Variants in LARS1 observed in about 807,000 individuals in gnomAD.
LARS1 encodes leucine--tRNA ligase, cytoplasmic.
LARS1 carries 100 observed loss-of-function variants against 162.8 expected under a neutral mutation model. The observed-to-expected ratio is 0.61, with a 90% CI of 0.52 to 0.73. LARS1 has a LOEUF of 0.73. Ranked by LOEUF, LARS1 falls within the 30% of genes least tolerant of loss-of-function variation. LARS1 has a pLI of 0.00. For missense variants in LARS1, 1,258 were observed against 1,408.9 expected, an observed-to-expected ratio of 0.89 and a Z score of 1.71; for synonymous variants, 457 against 462.8, an observed-to-expected ratio of 0.99 and a Z score of 0.16.
chr5:146,147,939 G>A (rs562190990), intron 15 of LARS1, among the ~76,000 whole-genome samples: 2 of 152,254 alleles, frequency 1.3e-5, no homozygotes, highest in African/African-American at 4.8e-5. Context: ...AAACAAGTTA[G>A]TTACAAAAAC....
chr5:146,122,482 T>A lies in LARS1; in HGVS notation c.3192+10A>T. ...AAATGCAATGATTCAGTGAGATTCCTTCAACTTACTTCTATTCTAAAAACA... is the reference window on the plus strand; with the variant it reads ...AAATGCAATGATTCAGTGAGATTCCATCAACTTACTTCTATTCTAAAAACA... On this transcript the variant is annotated intron_variant, in intron 30 of 31. Coordinates refer to ENST00000394434, the MANE Select transcript of LARS1 (RefSeq NM_020117.11). The A allele has an allele frequency of 1.4e-6, 2 of 1,470,792 alleles. No individual in the cohort carries two copies. Among genetic ancestry groups the A allele is most frequent in the Middle Eastern group, 1.7e-4 (1 of 5,774 alleles). 91.1% of individuals were successfully genotyped at this position (1,470,792 alleles called of 1,614,324 possible). A position where few individuals can be genotyped will look rare whatever the true frequency, so the allele number is the denominator to read the frequency against.
chr5:146,161,288 G>A (rs1394373289), intron 6 of LARS1, among the ~76,000 whole-genome samples: 1 of 152,156 alleles, frequency 6.6e-6, no homozygotes, highest in Non-Finnish European at 1.5e-5. Flanking sequence ...TGAGAGAAGT[G>A]GCTACTGAAG....
In LARS1 at chr5:146,149,716, G is replaced by C. The variant is rs1753187318; in HGVS notation, c.1426-17C>G. The C allele has an allele frequency of 6.4e-7, 1 of 1,571,478 alleles. No homozygotes were observed. The highest frequency in any genetic ancestry group is 8.8e-7 in the Non-Finnish European group (1 of 1,142,370). ...CAACATGATCTAAAAGGATGAGAGG[G>C]GAGAAAAACCACATATAAAACAGTT... On this transcript the variant is annotated splice_polypyrimidine_tract_variant and intron_variant, in intron 14 of 31. Transcript: ENST00000394434.
intron 21 of LARS1, 107 bp from the exon 22 acceptor site, chr5:146,135,771 G>T: frequency 1.4e-6 from 1 of 718,336 alleles, no homozygotes; most frequent in Non-Finnish European, 2.2e-6. Flanking sequence ...AAACAAAAAA[G>T]AATTCAAAAT....
Position 146,129,088 on chromosome 5 carries a change from C to G in LARS1, c.2659G>C (p.Val887Leu), listed in dbSNP as rs544832993. The G allele has an allele frequency of 6.2e-7, 1 of 1,603,750 alleles. No homozygotes were observed. The highest frequency in any genetic ancestry group is 1.7e-5 in the Admixed American group (1 of 57,688). ...AAAACTTCATTAACAGGACCTGCCA[C>G]AGGCCATGAAGCATTCATAATTGAG... ...PDSIMNASWP[V>L]AGPVNEVLIH... is the part of the protein sequence containing the mutation. The change falls in exon 26 of 32, where the codon GTG becomes CTG. Residue 887 changes from valine to leucine, a missense_variant. Physicochemically the swap from Val to Leu is conservative, Grantham distance 32 (BLOSUM62 1). Coordinates refer to ENST00000394434, the MANE Select transcript of LARS1 (RefSeq NM_020117.11).
rs761730722 is a variant in LARS1, at chr5:146,128,823, T to A, written c.2770-41A>T. 26 of 1,545,746 alleles carry A rather than the reference T, an allele frequency of 1.7e-5. 1 individual carries two copies. In the South Asian group the frequency reaches 3.1e-4, roughly 18 times the overall value. ...AAGGAAAAACATTCAATAGCTTTTA[T>A]ATAAACCAAAAATGAGAAGAACCCT... On this transcript the variant is annotated intron_variant, in intron 26 of 31. Coordinates refer to ENST00000394434, the MANE Select transcript of LARS1 (RefSeq NM_020117.11).
chr5:146,166,491 C>G (rs1164894563), intron 5 of LARS1, among the ~76,000 whole-genome samples: 2 of 152,124 alleles, frequency 1.3e-5, no homozygotes, highest in African/African-American at 4.8e-5. Flanking sequence ...GAGAAGACAG[C>G]TTGAGCCCCA....
intron 13 of LARS1, 55 bp downstream of exon 13, chr5:146,153,119 C>A (rs560124164): frequency 1.7e-5 from 23 of 1,367,894 alleles, no homozygotes; most frequent in Admixed American, 9.3e-5. Context: ...GTTAGCTCTT[C>A]TTTTTCTCTG....
At chr5:146,172,272 CTTT>C (rs1165188806) in intron 3 of LARS1, among the ~76,000 whole-genome samples, 1 of 152,182 alleles carries the variant, frequency 6.6e-6, no homozygotes, top group Non-Finnish European at 1.5e-5. Flanking sequence ...AATCCCAGCA[CTTT>C]CAGAGGCCGA....
At chr5:146,117,703 G>C (rs1159196300) in intron 31 of LARS1, among the ~76,000 whole-genome samples, 1 of 152,112 alleles carries the variant, frequency 6.6e-6, no homozygotes, top group African/African-American at 2.4e-5. Flanking sequence ...GCTTCTTGTG[G>C]CCTATAAGTT....
At chr5:146,116,311 T>C (rs1286330673) in intron 31 of LARS1, among the ~76,000 whole-genome samples, 1 of 152,202 alleles carries the variant, frequency 6.6e-6, no homozygotes, top group Non-Finnish European at 1.5e-5. Flanking sequence ...GCCAGCAGAT[T>C]TTATGCATAA....
chr5:146,171,122 C>T (rs1487420787), intron 4 of LARS1, among the ~76,000 whole-genome samples: 4 of 151,822 alleles, frequency 2.6e-5, no homozygotes, highest in Non-Finnish European at 4.4e-5. Context: ...TTTGGAAGGC[C>T]GAGGTGGGTG....
intron 21 of LARS1, chr5:146,137,915 G>C: frequency 5.8e-6 from 1 of 171,208 alleles, no homozygotes; most frequent in Non-Finnish European, 1.3e-5. Context: ...CATGAGGTCA[G>C]TTTGAGACCA....
Position 146,165,202 on chromosome 5 carries a change from CAA to C in LARS1, c.433-733_433-732del, listed in dbSNP as rs1753949512. Among the ~76,000 whole-genome samples the C allele has an allele frequency of 3.3e-5, 5 of 151,998 alleles. No homozygotes were observed. In the South Asian group the frequency reaches 1.0e-3, roughly 31 times the overall value. Reference sequence around the variant, plus strand: ...TACGAAAATTAGCCGGGCATGGTGGCAAGCGCCCGTAATCCCAGCTACCCTGG... The same window carrying C: ...TACGAAAATTAGCCGGGCATGGTGGCGCGCCCGTAATCCCAGCTACCCTGG... On this transcript the variant is annotated intron_variant, in intron 5 of 31. Coordinates refer to ENST00000394434, the MANE Select transcript of LARS1 (RefSeq NM_020117.11).
chr5:146,159,091 G>C (rs1372553390), intron 8 of LARS1, among the ~76,000 whole-genome samples: 1 of 149,468 alleles, frequency 6.7e-6, no homozygotes, highest in South Asian at 2.1e-4. Flanking sequence ...GCAAGACTCC[G>C]TCTGAAAAAA....
chr5:146,146,532 C>CAAAAAAAAAAA (rs573828595), intron 15 of LARS1, among the ~76,000 whole-genome samples: 1 of 26,502 alleles, frequency 3.8e-5, no homozygotes, highest in Non-Finnish European at 6.1e-5. Flanking sequence ...ATGCCAGAAC[C>CAAAAAAAAAAA]AAAAAAAAAA....
At chr5:146,125,632 G>A (rs187908912) in intron 28 of LARS1, among the ~76,000 whole-genome samples, 5 of 152,030 alleles carry the variant, frequency 3.3e-5, no homozygotes, top group Non-Finnish European at 7.4e-5. Context: ...CTGTAGCCCA[G>A]AAAATTTAAG....
Position 146,113,552 on chromosome 5 carries a change from A to T in LARS1, c.*554T>A, listed in dbSNP as rs1764068906. On this transcript the variant is annotated 3_prime_UTR_variant, in exon 32 of 32. Transcript: ENST00000394434. ...TAGTTGAATAATTAAAGCTTTAAAAAGTCTTATAAAATGCAGGACCTATTT... is the reference window on the plus strand; with the variant it reads ...TAGTTGAATAATTAAAGCTTTAAAATGTCTTATAAAATGCAGGACCTATTT... 1 of 152,488 alleles carries T rather than the reference A, an allele frequency of 6.6e-6. No homozygotes were observed. The highest frequency in any genetic ancestry group is 6.5e-5 in the Admixed American group (1 of 15,296). The allele number at this position is 152,488 out of a possible 1,614,324, so 9.4% of individuals were successfully genotyped here. A position where few individuals can be genotyped will look rare whatever the true frequency, so the allele number is the denominator to read the frequency against.
intron 31 of LARS1, among the ~76,000 whole-genome samples, chr5:146,119,494 A>G (rs1211025159): frequency 6.6e-6 from 1 of 152,174 alleles, no homozygotes; most frequent in African/African-American, 2.4e-5. Context: ...AGTGATGGAA[A>G]GTGGCCAATC....
Sources: gnomAD v4.1 joint callset for allele counts (sites outside exome capture counted in the v4.1 genomes callset) on GRCh38, gnomAD v4.1.1 for gene constraint, MANE v1.5 for transcripts, NCBI Gene and HGNC (gene_info 2026-07-23, HGNC 2026-07-21) for gene names.